The following RAP1GDS1 variants were observed in gnomAD, a reference collection of about 807,000 sequenced individuals.
The protein encoded by RAP1GDS1 is RAP1, GTP-GDP dissociation stimulator 1.
In RAP1GDS1, 35 loss-of-function variants were observed where a neutral mutation model predicts 71.1. That is an observed-to-expected ratio of 0.49 (90% CI 0.38 to 0.65). RAP1GDS1 has a LOEUF of 0.65. Ranked by LOEUF, RAP1GDS1 falls within the 30% of genes least tolerant of loss-of-function variation. The pLI, the probability that RAP1GDS1 is intolerant of heterozygous loss-of-function variation, is 0.00. For missense variants in RAP1GDS1, 663 were observed against 706.1 expected (o/e 0.94, Z 0.69); for synonymous variants, 229 against 243.1 (o/e 0.94, Z 0.54).
At chr4:98,342,045 C>G (rs546008699) in intron 2 of RAP1GDS1, among the ~76,000 whole-genome samples, 1 of 152,188 alleles carries the variant, frequency 6.6e-6, no homozygotes, top group African/African-American at 2.4e-5. Context: ...TAACCAGTTT[C>G]TAGTCTTCAT....
At chr4:98,400,696 A>C (rs1454133167) in intron 6 of RAP1GDS1, among the ~76,000 whole-genome samples, 1 of 152,132 alleles carries the variant, frequency 6.6e-6, no homozygotes, top group African/African-American at 2.4e-5. Flanking sequence ...TAATTATTAC[A>C]TAGTTTCAGA....
chr4:98,373,793 T>C (rs1740754470), intron 4 of RAP1GDS1, among the ~76,000 whole-genome samples: 1 of 152,218 alleles, frequency 6.6e-6, no homozygotes, highest in Non-Finnish European at 1.5e-5. Context: ...AGAACAGTTA[T>C]AGCCATATGT....
At chr4:98,409,779 T>C (rs959433518) in intron 7 of RAP1GDS1, 5 of 441,776 alleles carry the variant, frequency 1.1e-5, no homozygotes, top group Admixed American at 4.8e-5. Context: ...GTTTTCAAGA[T>C]AAAAGGCTTC....
intron 2 of RAP1GDS1, among the ~76,000 whole-genome samples, chr4:98,295,439 A>T (rs1029794508): frequency 6.6e-6 from 1 of 152,122 alleles, no homozygotes; most frequent in Non-Finnish European, 1.5e-5. Context: ...AAAGGAGTTC[A>T]TGCAGATGTT....
intron 6 of RAP1GDS1, among the ~76,000 whole-genome samples, chr4:98,399,601 A>G (rs754527333): frequency 6.6e-6 from 1 of 152,136 alleles, no homozygotes; most frequent in Non-Finnish European, 1.5e-5. Context: ...CCCCAGTCCC[A>G]TTTTTAAAAT....
At chr4:98,268,726 C>T (rs1280934106) in intron 1 of RAP1GDS1, among the ~76,000 whole-genome samples, 2 of 151,858 alleles carry the variant, frequency 1.3e-5, no homozygotes, top group Non-Finnish European at 2.9e-5. Context: ...ACAGTAGCTG[C>T]AAAAATATAA....
chr4:98,409,966 G>C (rs149558405), intron 7 of RAP1GDS1, among the ~76,000 whole-genome samples: 2 of 152,158 alleles, frequency 1.3e-5, no homozygotes, highest in African/African-American at 4.8e-5. Context: ...TGAGACATTG[G>C]TTACTTTAAA....
intron 4 of RAP1GDS1, among the ~76,000 whole-genome samples, chr4:98,378,069 A>G (rs1029616010): frequency 6.6e-6 from 1 of 151,882 alleles, no homozygotes; most frequent in African/African-American, 2.4e-5. Context: ...CTGTTTTTTA[A>G]TGTGTCTATT....
intron 1 of RAP1GDS1, among the ~76,000 whole-genome samples, chr4:98,277,851 C>T (rs529660184): frequency 1.3e-5 from 2 of 152,244 alleles, no homozygotes; most frequent in South Asian, 2.1e-4. Context: ...AGCCTGTGGG[C>T]CAAATATACC....
At chr4:98,389,708 G>A (rs1289201468) in intron 5 of RAP1GDS1, among the ~76,000 whole-genome samples, 1 of 152,050 alleles carries the variant, frequency 6.6e-6, no homozygotes, top group Non-Finnish European at 1.5e-5. Context: ...TGTATTAAGC[G>A]CTATAACATT....
At chr4:98,411,775 A>G (rs1747099136) in intron 7 of RAP1GDS1, among the ~76,000 whole-genome samples, 1 of 152,162 alleles carries the variant, frequency 6.6e-6, no homozygotes, top group Admixed American at 6.5e-5. Context: ...ATCATCCTTC[A>G]TTTTCCCAGT....
Position 98,377,628 on chromosome 4 carries a change from T to TTGTGTGTG in RAP1GDS1, c.362-1373_362-1366dup, listed in dbSNP as rs58691883. Among the ~76,000 whole-genome samples the TTGTGTGTG allele has an allele frequency of 2.7e-3, 410 of 149,372 alleles. 2 individuals carry two copies. Among genetic ancestry groups the TTGTGTGTG allele is most frequent in the African/African-American group, 7.6e-3 (310 of 40,840 alleles). On this transcript the variant is annotated intron_variant, in intron 4 of 14. Transcript: ENST00000408927. ...GTATTTCTGAGGTCTTACTATATAA[T>TTGTGTGTG]TGTGTGTGTGTGTGTGTGTGTGTAT...
At chr4:98,407,620 G>T (rs552988708) in intron 7 of RAP1GDS1, among the ~76,000 whole-genome samples, 1 of 152,094 alleles carries the variant, frequency 6.6e-6, no homozygotes, top group Non-Finnish European at 1.5e-5. Context: ...TGGCAGCTAC[G>T]CTATGTGTAC....
chr4:98,392,798 A>C (rs867977207), intron 6 of RAP1GDS1, among the ~76,000 whole-genome samples: 1 of 152,224 alleles, frequency 6.6e-6, no homozygotes, highest in Non-Finnish European at 1.5e-5. Flanking sequence ...TCCTCTTTTC[A>C]TGAAATCTCA....
At chr4:98,318,031 C>T (rs774229447) in intron 2 of RAP1GDS1, among the ~76,000 whole-genome samples, 62 of 151,924 alleles carry the variant, frequency 4.1e-4, no homozygotes, top group African/African-American at 1.4e-3. Context: ...TTAGTAGAGA[C>T]GGGGTTTCAC....
intron 2 of RAP1GDS1, among the ~76,000 whole-genome samples, chr4:98,338,631 A>G (rs1395382183): frequency 1.3e-5 from 2 of 152,150 alleles, no homozygotes; most frequent in Non-Finnish European, 2.9e-5. Context: ...CTAGGCCACT[A>G]TTTTACCACT....
At chr4:98,429,486 G>A (rs1750098003) in intron 12 of RAP1GDS1, among the ~76,000 whole-genome samples, 1 of 152,030 alleles carries the variant, frequency 6.6e-6, no homozygotes, top group African/African-American at 2.4e-5. Flanking sequence ...CAGACTTTGG[G>A]GACTTAGGGG....
chr4:98,335,666 G>A (rs1466109182), intron 2 of RAP1GDS1, among the ~76,000 whole-genome samples: 2 of 151,566 alleles, frequency 1.3e-5, no homozygotes, highest in Non-Finnish European at 1.5e-5. Flanking sequence ...TATTATTAAT[G>A]ACTATATAAT....
intron 1 of RAP1GDS1, among the ~76,000 whole-genome samples, chr4:98,290,622 G>GA (rs1355793518): frequency 4.0e-5 from 6 of 151,566 alleles, no homozygotes; most frequent in Non-Finnish European, 2.9e-5. Context: ...TAAGATAAAA[G>GA]AAAAAAAAGG....
Sources: gnomAD v4.1 joint callset for allele counts (sites outside exome capture counted in the v4.1 genomes callset) on GRCh38, gnomAD v4.1.1 for gene constraint, MANE v1.5 for transcripts, NCBI Gene and HGNC (gene_info 2026-07-23, HGNC 2026-07-21) for gene names.